The following ZFC3H1 variants were observed in gnomAD, a reference collection of about 807,000 sequenced individuals.
ZFC3H1 encodes zinc finger C3H1 domain-containing protein.
Under a neutral mutation model 243.7 loss-of-function variants are expected in ZFC3H1, and 71 were observed. That is an observed-to-expected ratio of 0.29 (90% CI 0.24 to 0.36). ZFC3H1 has a LOEUF of 0.36. ZFC3H1 is among the 10% of genes least tolerant of loss of function. ZFC3H1 has a pLI of 1.00. For synonymous variants in ZFC3H1, 838 were observed against 813.0 expected, an observed-to-expected ratio of 1.03 and a Z score of -0.52; for missense variants, 1,966 against 2,317.1, an observed-to-expected ratio of 0.85 and a Z score of 3.11.
intron 21 of ZFC3H1, among the ~76,000 whole-genome samples, chr12:71,626,717 T>A (rs1245628287): frequency 6.6e-6 from 1 of 152,228 alleles, no homozygotes; most frequent in Non-Finnish European, 1.5e-5. Flanking sequence ...ACCACTAAGA[T>A]TATCAACTTC....
At chr12:71,656,543 C>T in intron 2 of ZFC3H1, 1 of 659,370 alleles carries the variant, frequency 1.5e-6, no homozygotes, top group Non-Finnish European at 2.7e-6. Context: ...GTAAAACCCT[C>T]CTTTACCCGA....
At chr12:71,656,676 C>T in intron 2 of ZFC3H1, 1 of 586,848 alleles carries the variant, frequency 1.7e-6, no homozygotes, top group Non-Finnish European at 2.9e-6. Context: ...ATTATAGAGG[C>T]CAGAATGTCA....
intron 30 of ZFC3H1, among the ~76,000 whole-genome samples, chr12:71,614,283 C>A (rs1879842500): frequency 1.2e-5 from 1 of 80,360 alleles, no homozygotes; most frequent in Admixed American, 1.6e-4. Context: ...CTTAATATCC[C>A]TTCATTTTGC....
chr12:71,636,577 T>C lies in ZFC3H1; in HGVS notation c.2013A>G (p.Ser671=), dbSNP rs1438574489. 4 of 1,613,866 alleles carry C rather than the reference T, an allele frequency of 2.5e-6. No individual in the cohort carries two copies. Among genetic ancestry groups the C allele is most frequent in the African/African-American group, 1.3e-5 (1 of 74,922 alleles). The change falls in exon 9 of 35, where the codon TCA becomes TCG. Residue 671 remains serine, a synonymous_variant. Coordinates refer to ENST00000378743, the MANE Select transcript of ZFC3H1 (RefSeq NM_144982.5). The part of the protein sequence containing the change: ...NSHPVPRSNL[S]IVSINTVSQP... ...GAGACACTGTGTTAATACTGACTATTGATAGATTGCTTCTTGGCACAGGAT... is the reference window on the plus strand; with the variant it reads ...GAGACACTGTGTTAATACTGACTATCGATAGATTGCTTCTTGGCACAGGAT...
Position 71,654,450 on chromosome 12 carries a change from C to T in ZFC3H1, c.1015+2435G>A, listed in dbSNP as rs1467061047. 3.3e-5 allele frequency among the ~76,000 whole-genome samples: 5 copies of T among 152,246 alleles called. 1 individual carries two copies. Among genetic ancestry groups the T allele is most frequent in the Admixed American group, 2.6e-4 (4 of 15,282 alleles). ...AGTGAGATCTTATCTAAAACACACACACACAGAGAATATATTTATACATAT... is the reference window on the plus strand; with the variant it reads ...AGTGAGATCTTATCTAAAACACACATACACAGAGAATATATTTATACATAT... On this transcript the variant is annotated intron_variant, in intron 2 of 34. Transcript: ENST00000378743.
intron 7 of ZFC3H1, among the ~76,000 whole-genome samples, chr12:71,637,766 G>A (rs895877322): frequency 9.9e-5 from 15 of 152,056 alleles, no homozygotes; most frequent in South Asian, 2.1e-4. Context: ...GACACTAGAC[G>A]TCTTTCCTGA....
Position 71,663,721 on chromosome 12 carries a change from A to C in ZFC3H1, c.-111T>G, listed in dbSNP as rs1881260371. 1.5e-6 allele frequency: 2 copies of C among 1,304,860 alleles called. No individual in the cohort carries two copies. Among genetic ancestry groups the C allele is most frequent in the Admixed American group, 4.4e-5 (2 of 45,734 alleles). 80.8% of individuals were successfully genotyped at this position (1,304,860 alleles called of 1,614,324 possible). A position where few individuals can be genotyped will look rare whatever the true frequency, so the allele number is the denominator to read the frequency against. On this transcript the variant is annotated 5_prime_UTR_variant, in exon 1 of 35. Transcript: ENST00000378743. The stretch of plus-strand genomic sequence containing the variant: ...GACTGGGTCGGTGCGGTCTTACCCT[A>C]CTCGGACACCAAGCGGCCTCTGCTC...
At chr12:71,662,496 C>CG (rs1300645673) in intron 1 of ZFC3H1, among the ~76,000 whole-genome samples, 1 of 126,628 alleles carries the variant, frequency 7.9e-6, no homozygotes, top group African/African-American at 2.8e-5. Flanking sequence ...TTTTTTACCC[C>CG]TCCCCCCCCC....
chr12:71,612,784 A>G (rs1013428709), intron 31 of ZFC3H1, among the ~76,000 whole-genome samples: 1 of 152,172 alleles, frequency 6.6e-6, no homozygotes, highest in Non-Finnish European at 1.5e-5. Flanking sequence ...ATTCTTGCGG[A>G]TGAAAGTGGA....
Position 71,615,214 on chromosome 12 carries a change from C to G in ZFC3H1, c.5247G>C (p.Leu1749=), listed in dbSNP as rs563459760. 1.2e-6 allele frequency: 2 copies of G among 1,609,054 alleles called. No individual in the cohort carries two copies. The highest frequency in any genetic ancestry group is 1.7e-5 in the Admixed American group (1 of 59,690). The change falls in exon 28 of 35, where the codon CTG becomes CTC. Residue 1749 remains leucine, a synonymous_variant. Coordinates refer to ENST00000378743, the MANE Select transcript of ZFC3H1 (RefSeq NM_144982.5). ...CACAGTGGATGTCTCACCAGTAAAT[C>G]AGCCACAAATAAGGAACTTGGTGGT... ...MFNHQVPYLW[L]IYCLCHPLQS... is the part of the protein sequence containing the mutation.
intron 1 of ZFC3H1, chr12:71,660,147 T>C (rs1444250196): frequency 6.6e-6 from 1 of 152,238 alleles, no homozygotes; most frequent in Non-Finnish European, 1.5e-5. Flanking sequence ...CAGAGTAACC[T>C]GCATTCTTTC....
At chr12:71,643,585 G>T (rs1168165138) in intron 5 of ZFC3H1, among the ~76,000 whole-genome samples, 1 of 151,892 alleles carries the variant, frequency 6.6e-6, no homozygotes, top group Non-Finnish European at 1.5e-5. Flanking sequence ...GTAAAAGAAG[G>T]GAGGGAGAGA....
intron 19 of ZFC3H1, 76 bp downstream of exon 19, chr12:71,629,533 G>A (rs1402026474): frequency 4.2e-6 from 4 of 958,842 alleles, no homozygotes; most frequent in Non-Finnish European, 4.7e-6. Flanking sequence ...AAACTAAAAA[G>A]TCCTTTTCAG....
chr12:71,661,408 G>A (rs1449549725), intron 1 of ZFC3H1, among the ~76,000 whole-genome samples: 1 of 151,890 alleles, frequency 6.6e-6, no homozygotes, highest in African/African-American at 2.4e-5. Flanking sequence ...AAGAAACACC[G>A]TGGGCAGAGG....
intron 21 of ZFC3H1, 21 bp downstream of exon 21, chr12:71,627,730 A>G: frequency 6.3e-7 from 1 of 1,591,948 alleles, no homozygotes; most frequent in Middle Eastern, 1.7e-4. Flanking sequence ...CTGTTTACAC[A>G]AAGATTTGAA....
At chr12:71,661,477 A>C (rs899637391) in intron 1 of ZFC3H1, among the ~76,000 whole-genome samples, 1 of 138,358 alleles carries the variant, frequency 7.2e-6, no homozygotes, top group Non-Finnish European at 1.5e-5. Context: ...ATATCTATAT[A>C]ATTTTCCTTT....
intron 24 of ZFC3H1, among the ~76,000 whole-genome samples, chr12:71,622,756 G>C (rs897319936): frequency 3.3e-5 from 5 of 152,130 alleles, no homozygotes; most frequent in African/African-American, 1.2e-4. Flanking sequence ...CACTGTGCCC[G>C]GCCCTAGTCT....
Position 71,632,268 on chromosome 12 carries a change from A to G in ZFC3H1, c.3064T>C (p.Leu1022=). Residue 1022 remains leucine (L), a synonymous_variant, in exon 15 of 35, where the codon TTA becomes CTA. Transcript: ENST00000378743. ...TCATTTTCTTCAGTGTCCAGGGTTA[A>G]TTTATCTTGTGTCAGATCATGAAGT... The part of the protein sequence containing the change: ...PSLHDLTQDK[L]TLDTEENDVD... 1.2e-6 allele frequency: 2 copies of G among 1,613,862 alleles called. No homozygotes were observed. Among genetic ancestry groups the G allele is most frequent in the Non-Finnish European group, 1.7e-6 (2 of 1,179,894 alleles).
chr12:71,628,950 T>C lies in ZFC3H1; in HGVS notation c.3914A>G (p.Asp1305Gly). 1.9e-6 allele frequency: 3 copies of C among 1,612,138 alleles called. No individual in the cohort carries two copies. The highest frequency in any genetic ancestry group is 2.5e-6 in the Non-Finnish European group (3 of 1,179,408). ...KPISDNSFSSDEEQSTGPIKY... is the reference protein window; with the variant it reads ...KPISDNSFSSGEEQSTGPIKY... Reference sequence around the variant, plus strand: ...AATTGGTCCTGTAGACTGTTCCTCATCACTACTGAAGCTATTATCTGAAAT... The same window carrying C: ...AATTGGTCCTGTAGACTGTTCCTCACCACTACTGAAGCTATTATCTGAAAT... Residue 1305 changes from aspartate to glycine, a missense_variant, in exon 20 of 35, where the codon GAT becomes GGT. Around this residue, in one of 4 missense-constraint regions of ZFC3H1, gnomAD observed 1,383 missense variants for 1,723.7 expected, o/e 0.80. Coordinates refer to ENST00000378743, the MANE Select transcript of ZFC3H1 (RefSeq NM_144982.5).
Sources: gnomAD v4.1 joint callset for allele counts (sites outside exome capture counted in the v4.1 genomes callset) on GRCh38, gnomAD v4.1.1 for gene constraint, gnomAD v4.1.1 regional missense constraint, MANE v1.5 for transcripts, NCBI Gene and HGNC (gene_info 2026-07-23, HGNC 2026-07-21) for gene names.